Variants in CORO1C observed in about 807,000 individuals in gnomAD.
The protein encoded by CORO1C is coronin-1C.
CORO1C carries 14 observed loss-of-function variants against 51.2 expected under a neutral mutation model. That is an observed-to-expected ratio of 0.27 (90% CI 0.18 to 0.43). The LOEUF (loss-of-function observed/expected upper bound fraction) is 0.43, where lower values mean the gene tolerates loss of function less well. Among genes scored for constraint, CORO1C ranks in the 20% least tolerant of loss-of-function variants. CORO1C has a pLI of 1.00. For synonymous variants in CORO1C, 181 were observed against 210.5 expected (o/e 0.86, Z 1.21); for missense variants, 417 against 607.8 (o/e 0.69, Z 3.30).
chr12:108,699,091 A>G (rs2034783360), intron 2 of CORO1C, among the ~76,000 whole-genome samples: 1 of 152,218 alleles, frequency 6.6e-6, no homozygotes, highest in Admixed American at 6.5e-5. Context: ...ATGCTCCTCT[A>G]AAAAGCAACA....
chr12:108,647,628 C>T (rs1197758241), intron 10 of CORO1C, 106 bp from the exon 11 acceptor site: 3 of 744,492 alleles, frequency 4.0e-6, no homozygotes, highest in Non-Finnish European at 4.3e-6. Context: ...TTGCAAACGG[C>T]AAGCCATAGT....
At chr12:108,690,670 A>G (rs900624886) in intron 2 of CORO1C, among the ~76,000 whole-genome samples, 2 of 152,236 alleles carry the variant, frequency 1.3e-5, no homozygotes, top group African/African-American at 4.8e-5. Context: ...CCTGACTTAA[A>G]GAATTTATAA....
intron 3 of CORO1C, among the ~76,000 whole-genome samples, chr12:108,676,787 A>C (rs1412569314): frequency 6.6e-6 from 1 of 151,676 alleles, no homozygotes; most frequent in Non-Finnish European, 1.5e-5. Context: ...AAAAAAAAAA[A>C]ATTCTGGCAT....
At chr12:108,692,397 A>G in intron 2 of CORO1C, among the ~76,000 whole-genome samples, 1 of 152,260 alleles carries the variant, frequency 6.6e-6, no homozygotes, top group Non-Finnish European at 1.5e-5. Flanking sequence ...TCTAAAACAG[A>G]GTACCACAAT....
intron 2 of CORO1C, among the ~76,000 whole-genome samples, chr12:108,695,851 T>TAAAAAAAAAAAAAAAAAAAA (rs924887183): frequency 1.6e-5 from 1 of 62,450 alleles, no homozygotes; most frequent in African/African-American, 5.5e-5. Context: ...TTGGGAGAAC[T>TAAAAAAAAAAAAAAAAAAAA]AAAAAAAAAA....
In CORO1C at chr12:108,704,947, A is replaced by C. The variant is rs563396304; in HGVS notation, c.-5-3624T>G. On this transcript the variant is annotated intron_variant, in intron 1 of 10. Coordinates refer to ENST00000261401, the MANE Select transcript of CORO1C (RefSeq NM_014325.4). Reference sequence around the variant, plus strand: ...GTACAATGCATATAAAGTTGAAGTGATCATTAAATGATCAATTGGTGATGG... The same window carrying C: ...GTACAATGCATATAAAGTTGAAGTGCTCATTAAATGATCAATTGGTGATGG... 2.6e-5 allele frequency among the ~76,000 whole-genome samples: 4 copies of C among 152,342 alleles called. No individual in the cohort carries two copies. The South Asian group carries it at 8.3e-4, about 32-fold the overall frequency.
chr12:108,709,167 A>G (rs1341625113), intron 1 of CORO1C, among the ~76,000 whole-genome samples: 1 of 152,170 alleles, frequency 6.6e-6, no homozygotes, highest in African/African-American at 2.4e-5. Flanking sequence ...TAAATGAGTG[A>G]ATTGTCTAGT....
intron 1 of CORO1C, among the ~76,000 whole-genome samples, chr12:108,711,860 T>C (rs2035190537): frequency 6.6e-6 from 1 of 152,056 alleles, no homozygotes; most frequent in African/African-American, 2.4e-5. Context: ...AAAATGACAA[T>C]TTTGACATTT....
In CORO1C at chr12:108,658,875, C is replaced by A. The variant is rs753288003; in HGVS notation, c.493G>T (p.Ala165Ser). ...TGCATATCGTCCAAGTTTATAAGGG[C>A]TTCCCCTGTTCCCACATTCCAGATG... ...IIIWNVGTGE[A>S]LINLDDMHSD... Residue 165 changes from alanine (A) to serine (S), a missense_variant, in exon 5 of 11, where the codon GCC (alanine) becomes TCC (serine). Physicochemically the swap from Ala to Ser is moderately conservative, Grantham distance 99. Transcript: ENST00000261401. The surrounding 1 kb of genome is among the most constrained non-coding windows in gnomAD (Gnocchi z 4.9). 1 of 1,613,696 alleles carries A rather than the reference C, an allele frequency of 6.2e-7. No homozygotes were observed. Among genetic ancestry groups the A allele is most frequent in the South Asian group, 1.1e-5 (1 of 91,070 alleles).
intron 7 of CORO1C, among the ~76,000 whole-genome samples, chr12:108,653,245 C>T (rs538204647): frequency 6.6e-6 from 1 of 152,302 alleles, no homozygotes; most frequent in South Asian, 2.1e-4. Flanking sequence ...AAGAATTTTC[C>T]ATCTCATGTT....
At chr12:108,698,153 T>C (rs1295281528) in intron 2 of CORO1C, among the ~76,000 whole-genome samples, 1 of 152,178 alleles carries the variant, frequency 6.6e-6, no homozygotes, top group Non-Finnish European at 1.5e-5. Flanking sequence ...CCTAGGCACA[T>C]GACTGTCATG....
At chr12:108,710,117 C>A (rs2035136847) in intron 1 of CORO1C, among the ~76,000 whole-genome samples, 1 of 152,178 alleles carries the variant, frequency 6.6e-6, no homozygotes, top group Non-Finnish European at 1.5e-5. Context: ...TTTTCCAATA[C>A]AACAGCAACT....
At chr12:108,695,851 TAAAAAA>T (rs924887183) in intron 2 of CORO1C, among the ~76,000 whole-genome samples, 3 of 62,452 alleles carry the variant, frequency 4.8e-5, no homozygotes, top group Admixed American at 1.9e-4. Context: ...TTGGGAGAAC[TAAAAAA>T]AAAAAAAAAA....
chr12:108,657,398 G>C lies in CORO1C; in HGVS notation c.656C>G (p.Ala219Gly). 1 of 1,613,434 alleles carries C rather than the reference G, an allele frequency of 6.2e-7. No homozygotes were observed. Residue 219 changes from alanine to glycine, a missense_variant, in exon 6 of 11, where the codon GCA becomes GGA. By Grantham distance (60) the Ala-to-Gly change is moderately conservative. Transcript: ENST00000261401. The stretch of plus-strand genomic sequence containing the variant: ...CAGGAAGATGGCTCTCATGGGTCTT[G>C]CTCCTTCATGTGCTTTCTCCTTCTC... ...VAEKEKAHEG[A>G]RPMRAIFLAD...
chr12:108,700,061 T>C (rs2034817434), intron 2 of CORO1C, among the ~76,000 whole-genome samples: 2 of 152,144 alleles, frequency 1.3e-5, no homozygotes, highest in Non-Finnish European at 2.9e-5. Flanking sequence ...GAAACAACCC[T>C]CTGACAGAAA....
At chr12:108,722,072 G>A (rs375773465) in intron 1 of CORO1C, among the ~76,000 whole-genome samples, 1 of 152,176 alleles carries the variant, frequency 6.6e-6, no homozygotes, top group Non-Finnish European at 1.5e-5. Flanking sequence ...GACTTCACAT[G>A]CCTCTGCTCA....
chr12:108,700,916 T>A (rs956737866), intron 2 of CORO1C: 4 of 561,422 alleles, frequency 7.1e-6, no homozygotes, highest in South Asian at 2.5e-5. Flanking sequence ...ATAGAGGGCA[T>A]CCCCAGAACA....
chr12:108,652,309 T>G lies in CORO1C; in HGVS notation c.964A>C (p.Lys322Gln). The change falls in exon 8 of 11, where the codon AAG becomes CAG. Residue 322 changes from lysine (K) to glutamine (Q), a missense_variant. Coordinates refer to ENST00000261401, the MANE Select transcript of CORO1C (RefSeq NM_014325.4). ...EPQRGMGYMP[K>Q]RGLDVNKCEI... ...CATTTGTTAACATCAAGTCCCCTCT[T>G]GGGCATGTAACCCATCCCTCTCTGA... is the stretch of plus-strand genomic sequence containing the variant. 1.2e-6 allele frequency: 2 copies of G among 1,614,132 alleles called. No homozygotes were observed. The highest frequency in any genetic ancestry group is 1.7e-6 in the Non-Finnish European group (2 of 1,179,994).
intron 8 of CORO1C, among the ~76,000 whole-genome samples, chr12:108,650,406 C>T (rs2032593953): frequency 6.6e-6 from 1 of 152,046 alleles, no homozygotes; most frequent in Admixed American, 6.6e-5. Flanking sequence ...TCTTGAACTC[C>T]CAGGCTCAAG....
Sources: gnomAD v4.1 joint callset for allele counts (sites outside exome capture counted in the v4.1 genomes callset) on GRCh38, gnomAD v4.1.1 for gene constraint, Gnocchi (gnomAD v3.1) non-coding constraint, MANE v1.5 for transcripts, NCBI Gene and HGNC (gene_info 2026-07-23, HGNC 2026-07-21) for gene names.